Variants in GALNT18 observed in about 807,000 individuals in gnomAD.
GALNT18 encodes GalNAc-transferase 18.
In GALNT18, 44 loss-of-function variants were observed where a neutral mutation model predicts 69.5. That is an observed-to-expected ratio of 0.63 (90% CI 0.50 to 0.81). The LOEUF is 0.81. Among genes scored for constraint, GALNT18 ranks in the 40% least tolerant of loss-of-function variants. GALNT18 has a pLI of 0.00. For missense variants in GALNT18, 715 were observed against 810.0 expected, an observed-to-expected ratio of 0.88 and a Z score of 1.42; for synonymous variants, 364 against 318.2, an observed-to-expected ratio of 1.14 and a Z score of -1.53.
At chr11:11,306,029 G>C (rs1353866405) in intron 9 of GALNT18, among the ~76,000 whole-genome samples, 1 of 152,116 alleles carries the variant, frequency 6.6e-6, no homozygotes, top group Admixed American at 6.5e-5. Context: ...ATAGCCCAGT[G>C]GATTAATGAC....
intron 3 of GALNT18, among the ~76,000 whole-genome samples, chr11:11,425,824 T>C (rs1464548366): frequency 6.6e-6 from 1 of 152,172 alleles, no homozygotes; most frequent in Non-Finnish European, 1.5e-5. Context: ...CAAAAACCTG[T>C]TGAAGGACTG....
intron 1 of GALNT18, among the ~76,000 whole-genome samples, chr11:11,533,372 A>T (rs1432798480): frequency 2.0e-5 from 3 of 152,340 alleles, no homozygotes; most frequent in Non-Finnish European, 4.4e-5. Flanking sequence ...CCAGGTACCC[A>T]GGTCTGCCTT....
Position 11,430,497 on chromosome 11 carries a change from A to G in GALNT18, c.595+2124T>C, listed in dbSNP as rs1027970294. On this transcript the variant is annotated intron_variant, in intron 3 of 10. Transcript: ENST00000227756. The surrounding 1 kb of genome is among the most constrained non-coding windows in gnomAD (Gnocchi z 4.9). ...TTGTGTAACCAACACCACAATCAAG[A>G]TACTTTACTGAACCATCACCACAAT... Among the ~76,000 whole-genome samples the G allele has an allele frequency of 1.3e-5, 2 of 152,184 alleles. No homozygotes were observed. Among genetic ancestry groups the G allele is most frequent in the Non-Finnish European group, 2.9e-5 (2 of 68,038 alleles).
chr11:11,354,302 C>T (rs751876091), intron 6 of GALNT18, among the ~76,000 whole-genome samples: 1 of 152,302 alleles, frequency 6.6e-6, no homozygotes, highest in South Asian at 2.1e-4. Context: ...CCCAGGTGAG[C>T]AAACTAAGGT....
intron 3 of GALNT18, among the ~76,000 whole-genome samples, chr11:11,381,935 C>T (rs185025788): frequency 4.9e-4 from 74 of 152,332 alleles, no homozygotes; most frequent in Middle Eastern, 3.4e-3. Context: ...TAAACATTTT[C>T]TATTGTTCTG....
chr11:11,299,316 T>TTTTAC (rs1849453430), intron 9 of GALNT18, among the ~76,000 whole-genome samples: 1 of 152,122 alleles, frequency 6.6e-6, no homozygotes, highest in African/African-American at 2.4e-5. Flanking sequence ...AGCTAATTTT[T>TTTTAC]TTTACTTTTA....
Position 11,439,700 on chromosome 11 carries a change from G to A in GALNT18, c.429-6913C>T, listed in dbSNP as rs954276913. ...AGAGTAGAAATTCAGAATGCACCTG[G>A]TGATGGGCTGAGTGAACACATGAAT... On this transcript the variant is annotated intron_variant, in intron 2 of 10. Transcript: ENST00000227756. This position sits in a 1 kb window ranked among gnomAD's most constrained non-coding sequence, Gnocchi z 4.4. 6.6e-6 allele frequency among the ~76,000 whole-genome samples: 1 copy of A among 152,184 alleles called. No homozygotes were observed. Among genetic ancestry groups the A allele is most frequent in the South Asian group, 2.1e-4 (1 of 4,828 alleles).
chr11:11,309,213 G>A lies in GALNT18; in HGVS notation c.1513-16020C>T, dbSNP rs116210168. On this transcript the variant is annotated intron_variant, in intron 9 of 10. Coordinates refer to ENST00000227756, the MANE Select transcript of GALNT18 (RefSeq NM_198516.3). The surrounding 1 kb of genome is among the most constrained non-coding windows in gnomAD (Gnocchi z 4.6). ...CCACCATGGGATGACACCACAAGAAGGCCCTCACCGGATGCTGGCCCCTTG... is the reference window on the plus strand; with the variant it reads ...CCACCATGGGATGACACCACAAGAAAGCCCTCACCGGATGCTGGCCCCTTG... 8.5e-5 allele frequency among the ~76,000 whole-genome samples: 13 copies of A among 152,248 alleles called. No individual in the cohort carries two copies. The highest frequency in any genetic ancestry group is 3.1e-4 in the African/African-American group (13 of 41,524).
chr11:11,271,179 T>G lies in GALNT18; in HGVS notation c.1789A>C (p.Ser597Arg), dbSNP rs1223700522. 6.2e-7 allele frequency: 1 copy of G among 1,613,984 alleles called. No individual in the cohort carries two copies. Among genetic ancestry groups the G allele is most frequent in the South Asian group, 1.1e-5 (1 of 91,076 alleles). Residue 597 changes from serine (S) to arginine (R), a missense_variant, in exon 11 of 11, where the codon AGC becomes CGC. Ser to Arg is a moderately radical substitution (Grantham distance 110). Coordinates refer to ENST00000227756, the MANE Select transcript of GALNT18 (RefSeq NM_198516.3). Reference sequence around the variant, plus strand: ...AGGCTCCTCAGGACGTTGGTGATGCTCCAGTGCTGGCCCGAGCACTTCTGC... The same window carrying G: ...AGGCTCCTCAGGACGTTGGTGATGCGCCAGTGCTGGCCCGAGCACTTCTGC... ...VLQKCSGQHW[S>R]ITNVLRSLAS
At chr11:11,528,597 G>C (rs567449629) in intron 1 of GALNT18, among the ~76,000 whole-genome samples, 11 of 152,306 alleles carry the variant, frequency 7.2e-5, no homozygotes, top group African/African-American at 2.6e-4. Flanking sequence ...AGATCTTTTT[G>C]TTAACAAATC....
At chr11:11,567,685 A>G (rs758588131) in intron 1 of GALNT18, among the ~76,000 whole-genome samples, 7 of 152,158 alleles carry the variant, frequency 4.6e-5, no homozygotes, top group African/African-American at 7.2e-5. Context: ...CTTATGGAGG[A>G]GAAAAATGCA....
At position 11,604,573 on chromosome 11, in the gene GALNT18, C is replaced by A. The variant is rs556022064; in HGVS notation, c.235+16786G>T. Among the ~76,000 whole-genome samples, 2 of 152,302 alleles carry A rather than the reference C, an allele frequency of 1.3e-5. No individual in the cohort carries two copies. Among genetic ancestry groups the A allele is most frequent in the East Asian group, 3.9e-4 (2 of 5,184 alleles). ...CCCGCCTGGCACCAAGTCTGCATGG[C>A]GGAGAGAAGGGTGATGTGGATCAGA... On this transcript the variant is annotated intron_variant, in intron 1 of 10. Transcript: ENST00000227756. The surrounding 1 kb of genome is among the most constrained non-coding windows in gnomAD (Gnocchi z 5.6).
intron 6 of GALNT18, among the ~76,000 whole-genome samples, chr11:11,357,826 C>T (rs1027501940): frequency 2.0e-5 from 3 of 152,172 alleles, no homozygotes; most frequent in African/African-American, 7.2e-5. Context: ...TCTCATTCAT[C>T]ACTGCATATC....
At chr11:11,544,557 C>T (rs4520592) in intron 1 of GALNT18, among the ~76,000 whole-genome samples, 128,716 of 152,116 alleles carry the variant, frequency 0.85, 54,648 homozygotes, top group Non-Finnish European at 0.88. Flanking sequence ...ATCACAATTC[C>T]TTTTTATTTT....
intron 3 of GALNT18, among the ~76,000 whole-genome samples, chr11:11,426,968 C>T (rs555322130): frequency 1.6e-4 from 25 of 152,268 alleles, no homozygotes; most frequent in Admixed American, 1.3e-3. Context: ...AATATACAGA[C>T]GGGGTCTTGC....
intron 1 of GALNT18, among the ~76,000 whole-genome samples, chr11:11,560,102 A>G (rs1439518793): frequency 3.4e-4 from 1 of 2,974 alleles, no homozygotes; most frequent in Non-Finnish European, 7.8e-4. Flanking sequence ...GATGGAATGG[A>G]ATAGAATAAG....
At position 11,284,930 on chromosome 11, in the gene GALNT18, T is replaced by TTTTTTTTTTTA. The variant is rs1554909662; in HGVS notation, c.1677+8098_1677+8099insTAAAAAAAAAA. 1.3e-3 allele frequency among the ~76,000 whole-genome samples: 173 copies of TTTTTTTTTTTA among 134,686 alleles called. 5 individuals carry two copies. The highest frequency in any genetic ancestry group is 4.5e-3 in the African/African-American group (165 of 36,866). 88.4% of individuals were successfully genotyped at this position (134,686 alleles called of 152,430 possible). Reference sequence around the variant, plus strand: ...CGTGTTTTTTTTTTTTTTTTTTTTTTAACTACTTGGGCGTTCTCTTTCTTA... The same window carrying TTTTTTTTTTTA: ...CGTGTTTTTTTTTTTTTTTTTTTTTTTTTTTTTTTTAAACTACTTGGGCGTTCTCTTTCTTA... On this transcript the variant is annotated intron_variant, in intron 10 of 10. Transcript: ENST00000227756.
Position 11,327,056 on chromosome 11 carries a change from C to T in GALNT18, c.1512+30G>A, listed in dbSNP as rs200806645. On this transcript the variant is annotated intron_variant, in intron 9 of 10. Coordinates refer to ENST00000227756, the MANE Select transcript of GALNT18 (RefSeq NM_198516.3). ...CATGCCAGGCACTCATATGCACACT[C>T]CTGGCACAGGAATCTCTTAGAGGAC... The T allele has an allele frequency of 3.0e-4, 455 of 1,518,426 alleles. 5 individuals are homozygous for T. In the African/African-American group the frequency reaches 5.9e-3, roughly 20 times the overall value. The allele number at this position is 1,518,426 out of a possible 1,614,324, so 94.1% of individuals were successfully genotyped here. A position where few individuals can be genotyped will look rare whatever the true frequency, so the allele number is the denominator to read the frequency against.
Position 11,500,181 on chromosome 11 carries a change from T to C in GALNT18, c.236-51245A>G, listed in dbSNP as rs1021207528. On this transcript the variant is annotated intron_variant, in intron 1 of 10. Coordinates refer to ENST00000227756, the MANE Select transcript of GALNT18 (RefSeq NM_198516.3). This position sits in a 1 kb window ranked among gnomAD's most constrained non-coding sequence, Gnocchi z 5.0. ...GATCTCAAAGCAAGTGATAAGGAAA[T>C]AGGAGCCTATAGGGAGAAAGTCACA... is the stretch of plus-strand genomic sequence containing the variant. Among the ~76,000 whole-genome samples, 19 of 152,266 alleles carry C rather than the reference T, an allele frequency of 1.2e-4. No individual in the cohort carries two copies. Among genetic ancestry groups the C allele is most frequent in the South Asian group, 6.2e-4 (3 of 4,822 alleles).
Sources: gnomAD v4.1 joint callset for allele counts (sites outside exome capture counted in the v4.1 genomes callset) on GRCh38, gnomAD v4.1.1 for gene constraint, Gnocchi (gnomAD v3.1) non-coding constraint, MANE v1.5 for transcripts, NCBI Gene and HGNC (gene_info 2026-07-23, HGNC 2026-07-21) for gene names.